ZNF212: variants seen among roughly 807,000 people sequenced by gnomAD.
ZNF212 encodes the protein Zinc finger protein C2H2-150.
Under a neutral mutation model 47.3 loss-of-function variants are expected in ZNF212, and 32 were observed. The observed-to-expected ratio is 0.68, with a 90% CI of 0.51 to 0.91. The LOEUF is 0.91. Among genes scored for constraint, ZNF212 ranks in the 40% least tolerant of loss-of-function variants. The probability of loss-of-function intolerance (pLI) is 0.00; values close to 1 mark genes in which losing one functional copy is unlikely to be tolerated. For synonymous variants in ZNF212, 242 were observed against 253.8 expected (o/e 0.95, Z 0.44); for missense variants, 555 against 622.8 (o/e 0.89, Z 1.16).
chr7:149,250,938 A>G (rs1796746411), intron 3 of ZNF212, 131 bp downstream of exon 3: 1 of 1,241,354 alleles, frequency 8.1e-7, no homozygotes, highest in South Asian at 1.5e-5. Flanking sequence ...GGGCAGAGAA[A>G]TGCCAGTCTC....
At chr7:149,243,688 A>G (rs999131927) in intron 1 of ZNF212, among the ~76,000 whole-genome samples, 1 of 152,190 alleles carries the variant, frequency 6.6e-6, no homozygotes, top group Admixed American at 6.5e-5. Context: ...TAGCCTAAAA[A>G]TATATAAAAC....
At chr7:149,240,382 A>AAC (rs1796570019) in intron 1 of ZNF212, among the ~76,000 whole-genome samples, 2 of 109,356 alleles carry the variant, frequency 1.8e-5, no homozygotes, top group African/African-American at 3.5e-5. Context: ...TCTCTCCTTC[A>AAC]CCCCCCCCCC....
intron 1 of ZNF212, 81 bp downstream of exon 1, chr7:149,239,883 G>T: frequency 8.0e-7 from 1 of 1,253,870 alleles, no homozygotes. Context: ...TTCGCGGTTT[G>T]GACGCCGCCG....
In ZNF212 at chr7:149,241,854, G is replaced by A. The variant is rs1276323886; in HGVS notation, c.24+2052G>A. On this transcript the variant is annotated intron_variant, in intron 1 of 4. Coordinates refer to ENST00000335870, the MANE Select transcript of ZNF212 (RefSeq NM_012256.4). ...CTAACCCAATCCCATGAAGCAGAGA[G>A]TTCAAAGGGTAACATTCTGTGTAAG... 1.3e-5 allele frequency among the ~76,000 whole-genome samples: 2 copies of A among 152,158 alleles called. 1 individual carries two copies.
In ZNF212 at chr7:149,254,355, C is replaced by T; in HGVS notation, c.1428C>T (p.Ile476=). The T allele has an allele frequency of 1.2e-6, 2 of 1,611,052 alleles. No homozygotes were observed. Among genetic ancestry groups the T allele is most frequent in the Non-Finnish European group, 1.7e-6 (2 of 1,179,984 alleles). Residue 476 remains isoleucine, a synonymous_variant, in exon 5 of 5, where the codon ATC becomes ATT. Coordinates refer to ENST00000335870, the MANE Select transcript of ZNF212 (RefSeq NM_012256.4). This position sits in a 1 kb window ranked among gnomAD's most constrained non-coding sequence, Gnocchi z 4.5. The part of the protein sequence containing the change: ...QKQHLLQHQK[I]HQRERGGLAL... ...AGCACCTCCTGCAGCACCAGAAGAT[C>T]CACCAGCGGGAGCGGGGTGGGCTGG... is the stretch of plus-strand genomic sequence containing the variant.
At chr7:149,249,517 TA>T (rs1482245162) in intron 1 of ZNF212, among the ~76,000 whole-genome samples, 2 of 152,136 alleles carry the variant, frequency 1.3e-5, no homozygotes, top group Admixed American at 1.3e-4. Context: ...ATGCTAAGCA[TA>T]AAGCATAGGT....
intron 1 of ZNF212, 55 bp from the exon 2 acceptor site, chr7:149,250,104 C>G: frequency 6.9e-7 from 1 of 1,459,540 alleles, no homozygotes; most frequent in Non-Finnish European, 9.0e-7. Context: ...TTGAACACTG[C>G]TTTCTTTACT....
chr7:149,255,249 A>T lies in ZNF212; in HGVS notation c.*834A>T, dbSNP rs183356427. ...GGTCTGGGACTTGCGGTGTCTCGGC[A>T]TACCCCTCTCCTCTTCCCACCTCCT... On this transcript the variant is annotated 3_prime_UTR_variant, in exon 5 of 5. Coordinates refer to ENST00000335870, the MANE Select transcript of ZNF212 (RefSeq NM_012256.4). 6.5e-6 allele frequency: 1 copy of T among 152,972 alleles called. No homozygotes were observed. Among genetic ancestry groups the T allele is most frequent in the African/African-American group, 2.4e-5 (1 of 41,578 alleles). The allele number at this position is 152,972 out of a possible 1,614,324, so 9.5% of individuals were successfully genotyped here. A position where few individuals can be genotyped will look rare whatever the true frequency, so the allele number is the denominator to read the frequency against.
intron 1 of ZNF212, among the ~76,000 whole-genome samples, chr7:149,245,387 A>G (rs971790354): frequency 3.3e-5 from 5 of 150,782 alleles, no homozygotes; most frequent in South Asian, 2.1e-4. Flanking sequence ...GGATTTGCAT[A>G]CTATGTTTAT....
chr7:149,254,504 T>C lies in ZNF212; in HGVS notation c.*89T>C. The C allele has an allele frequency of 6.8e-7, 1 of 1,469,974 alleles. No homozygotes were observed. Among genetic ancestry groups the C allele is most frequent in the Non-Finnish European group, 8.9e-7 (1 of 1,117,538 alleles). The allele number at this position is 1,469,974 out of a possible 1,614,324, so 91.1% of individuals were successfully genotyped here. ...CTGCAGTCAGGGACTGAGTTCTTCC[T>C]GAGGGCAGTTGTTTGTGATTGCCTT... On this transcript the variant is annotated 3_prime_UTR_variant, in exon 5 of 5. Transcript: ENST00000335870. The surrounding 1 kb of genome is among the most constrained non-coding windows in gnomAD (Gnocchi z 4.5).
intron 3 of ZNF212, among the ~76,000 whole-genome samples, chr7:149,251,058 T>TG (rs1796748749): frequency 6.6e-6 from 1 of 152,016 alleles, no homozygotes; most frequent in Non-Finnish European, 1.5e-5. Flanking sequence ...TTGTGTTTTT[T>TG]TTTTTTTTTT....
chr7:149,242,021 C>CTTTTTTTTTTTTTTTTTTTTT (rs34883587), intron 1 of ZNF212, among the ~76,000 whole-genome samples: 1 of 121,346 alleles, frequency 8.2e-6, no homozygotes, highest in Non-Finnish European at 1.7e-5. Flanking sequence ...CTTTTCTTTT[C>CTTTTTTTTTTTTTTTTTTTTT]TTTTTTTTTT....
Position 149,254,450 on chromosome 7 carries a change from G to A in ZNF212, c.*35G>A, listed in dbSNP as rs764204182. The A allele has an allele frequency of 3.9e-6, 6 of 1,551,020 alleles. No individual in the cohort carries two copies. Among genetic ancestry groups the A allele is most frequent in the African/African-American group, 1.4e-5 (1 of 73,656 alleles). On this transcript the variant is annotated 3_prime_UTR_variant, in exon 5 of 5. Transcript: ENST00000335870. The surrounding 1 kb of genome is among the most constrained non-coding windows in gnomAD (Gnocchi z 4.5). ...CCCTCGCCCGTCTGGGGGATGGAGG[G>A]GGGTGGCATTGGTTCCCCCGAAGAG...
chr7:149,247,927 G>C (rs1048998004), intron 1 of ZNF212, among the ~76,000 whole-genome samples: 8 of 152,208 alleles, frequency 5.3e-5, no homozygotes, highest in South Asian at 2.1e-4. Flanking sequence ...GCTGTGTCTA[G>C]TGAGGGCTTC....
chr7:149,244,061 G>C (rs981561612), intron 1 of ZNF212, among the ~76,000 whole-genome samples: 3 of 152,026 alleles, frequency 2.0e-5, no homozygotes, highest in Non-Finnish European at 4.4e-5. Context: ...TCAGCCTCCT[G>C]AGTATCTGGG....
chr7:149,254,258 G>A lies in ZNF212; in HGVS notation c.1331G>A (p.Arg444Gln), dbSNP rs370133162. 3.1e-6 allele frequency: 5 copies of A among 1,614,232 alleles called. No individual in the cohort carries two copies. Among genetic ancestry groups the A allele is most frequent in the South Asian group, 1.1e-5 (1 of 91,086 alleles). The change falls in exon 5 of 5, where the codon CGG becomes CAG. Residue 444 changes from arginine to glutamine, a missense_variant. By Grantham distance (43) the Arg-to-Gln change is conservative. Coordinates refer to ENST00000335870, the MANE Select transcript of ZNF212 (RefSeq NM_012256.4). The surrounding 1 kb of genome is among the most constrained non-coding windows in gnomAD (Gnocchi z 4.5). ...TTCAGTCACCCATCTGACTTGGTGC[G>A]GCACCAGCGCATCCACACGGGTGAG... ...KSFSHPSDLV[R>Q]HQRIHTGERP... is the part of the protein sequence containing the mutation.
chr7:149,254,508 G>A lies in ZNF212; in HGVS notation c.*93G>A. The stretch of plus-strand genomic sequence containing the variant: ...AGTCAGGGACTGAGTTCTTCCTGAG[G>A]GCAGTTGTTTGTGATTGCCTTCCCT... On this transcript the variant is annotated 3_prime_UTR_variant, in exon 5 of 5. Transcript: ENST00000335870. The surrounding 1 kb of genome is among the most constrained non-coding windows in gnomAD (Gnocchi z 4.5). The A allele has an allele frequency of 6.8e-7, 1 of 1,466,572 alleles. No individual in the cohort carries two copies. The highest frequency in any genetic ancestry group is 9.0e-7 in the Non-Finnish European group (1 of 1,115,224). The allele number at this position is 1,466,572 out of a possible 1,614,324, so 90.8% of individuals were successfully genotyped here. A position where few individuals can be genotyped will look rare whatever the true frequency, so the allele number is the denominator to read the frequency against.
At chr7:149,245,994 C>T (rs1024101736) in intron 1 of ZNF212, among the ~76,000 whole-genome samples, 5 of 152,142 alleles carry the variant, frequency 3.3e-5, no homozygotes, top group Non-Finnish European at 5.9e-5. Context: ...GATGGGTGAA[C>T]GTGCTTTCAC....
intron 4 of ZNF212, 86 bp downstream of exon 4, chr7:149,252,881 T>A (rs1456134256): frequency 7.4e-7 from 1 of 1,344,872 alleles, no homozygotes; most frequent in Non-Finnish European, 1.0e-6. Context: ...TGCCAGGTGC[T>A]GACTTGGTGA....
Sources: gnomAD v4.1 joint callset for allele counts (sites outside exome capture counted in the v4.1 genomes callset) on GRCh38, gnomAD v4.1.1 for gene constraint, Gnocchi (gnomAD v3.1) non-coding constraint, MANE v1.5 for transcripts, NCBI Gene and HGNC (gene_info 2026-07-23, HGNC 2026-07-21) for gene names.